Variants in COMMD1 observed in about 807,000 individuals in gnomAD.
COMMD1 encodes the protein copper metabolism domain containing 1.
In COMMD1, 10 loss-of-function variants were observed where a neutral mutation model predicts 17.2. The observed-to-expected ratio is 0.58, with a 90% confidence interval of 0.36 to 0.99. The LOEUF is 0.99. Ranked by LOEUF, COMMD1 falls within the 50% of genes least tolerant of loss-of-function variation. The probability of loss-of-function intolerance (pLI) is 0.01; values close to 1 mark genes in which losing one functional copy is unlikely to be tolerated. For synonymous variants in COMMD1, 97 were observed against 91.6 expected, an observed-to-expected ratio of 1.06 and a Z score of -0.34; for missense variants, 270 against 231.8, an observed-to-expected ratio of 1.17 and a Z score of -1.07.
At chr2:61,943,632 C>T (rs929981770) in intron 1 of COMMD1, among the ~76,000 whole-genome samples, 12 of 152,152 alleles carry the variant, frequency 7.9e-5, no homozygotes, top group East Asian at 5.8e-4. Flanking sequence ...GTCAGGAGTT[C>T]GAGACCAACC....
At chr2:61,979,898 C>G (rs1393135133) in intron 1 of COMMD1, among the ~76,000 whole-genome samples, 22 of 117,446 alleles carry the variant, frequency 1.9e-4, no homozygotes, top group Admixed American at 1.8e-3. Flanking sequence ...TCCCTCCCCC[C>G]TCCCCCGACC....
intron 1 of COMMD1, among the ~76,000 whole-genome samples, chr2:61,983,441 C>T (rs1237035324): frequency 8.5e-5 from 13 of 152,262 alleles, no homozygotes; most frequent in African/African-American, 4.8e-5. Context: ...CCGACCGCCT[C>T]GGCCTCCCAA....
At chr2:61,973,334 A>C (rs1671702560) in intron 1 of COMMD1, among the ~76,000 whole-genome samples, 1 of 152,212 alleles carries the variant, frequency 6.6e-6, no homozygotes, top group African/African-American at 2.4e-5. Flanking sequence ...TAATGCCAAA[A>C]TTTCATAGAT....
intron 2 of COMMD1, among the ~76,000 whole-genome samples, chr2:62,042,295 T>C (rs879438835): frequency 2.0e-5 from 3 of 152,198 alleles, no homozygotes; most frequent in African/African-American, 4.8e-5. Flanking sequence ...AGAGTGCTGA[T>C]TGGTGCGTTT....
intron 2 of COMMD1, among the ~76,000 whole-genome samples, chr2:62,094,900 T>C (rs10165818): frequency 6.6e-6 from 1 of 152,252 alleles, no homozygotes; most frequent in African/African-American, 2.4e-5. Context: ...AGTTTTCAAA[T>C]GGCAATTTTA....
chr2:61,908,655 G>T (rs1228591320), intron 1 of COMMD1, among the ~76,000 whole-genome samples: 2 of 152,082 alleles, frequency 1.3e-5, no homozygotes, highest in Non-Finnish European at 2.9e-5. Flanking sequence ...CTGCCTCCCG[G>T]ATTCAAACAA....
chr2:61,987,288 A>G (rs1036794479), intron 1 of COMMD1, among the ~76,000 whole-genome samples: 1 of 152,128 alleles, frequency 6.6e-6, no homozygotes, highest in African/African-American at 2.4e-5. Flanking sequence ...GATGCTTATT[A>G]TAGTCTTCAC....
chr2:61,961,158 C>G (rs1158199757), intron 1 of COMMD1, among the ~76,000 whole-genome samples: 2 of 152,218 alleles, frequency 1.3e-5, no homozygotes, highest in African/African-American at 4.8e-5. Context: ...CAAATGATCT[C>G]TCAGCAAGGT....
chr2:61,920,965 G>GTA (rs11405052), intron 1 of COMMD1, among the ~76,000 whole-genome samples: 28,722 of 127,376 alleles, frequency 0.23, 3,539 homozygotes, highest in Admixed American at 0.35. Context: ...ATATATGTGT[G>GTA]TATATATATA....
intron 1 of COMMD1, among the ~76,000 whole-genome samples, chr2:61,943,868 C>T (rs1159332227): frequency 6.6e-6 from 1 of 151,976 alleles, no homozygotes; most frequent in Non-Finnish European, 1.5e-5. Context: ...CAAAAAATGA[C>T]CAGCTCCTGT....
intron 2 of COMMD1, among the ~76,000 whole-genome samples, chr2:62,008,247 T>G (rs1669177645): frequency 6.6e-6 from 1 of 152,158 alleles, no homozygotes; most frequent in Non-Finnish European, 1.5e-5. Flanking sequence ...CCACTGTAGC[T>G]TCACAAGCCT....
chr2:61,984,684 G>A (rs1052094004), intron 1 of COMMD1, among the ~76,000 whole-genome samples: 2 of 152,204 alleles, frequency 1.3e-5, no homozygotes, highest in Non-Finnish European at 2.9e-5. Context: ...TTGGTCTATA[G>A]TGCAGATGAA....
intron 1 of COMMD1, among the ~76,000 whole-genome samples, chr2:61,944,681 G>A (rs1237150446): frequency 6.6e-6 from 1 of 152,138 alleles, no homozygotes; most frequent in African/African-American, 2.4e-5. Flanking sequence ...TCAGAGTCAG[G>A]TAGTGCAATA....
intron 1 of COMMD1, among the ~76,000 whole-genome samples, chr2:61,969,619 T>C (rs1227571309): frequency 6.6e-6 from 1 of 152,216 alleles, no homozygotes; most frequent in Non-Finnish European, 1.5e-5. Flanking sequence ...TTGGTAGCTT[T>C]ATGTGCTTGT....
At chr2:61,934,314 AAATG>A (rs1670546844) in intron 1 of COMMD1, among the ~76,000 whole-genome samples, 1 of 152,324 alleles carries the variant, frequency 6.6e-6, no homozygotes, top group African/African-American at 2.4e-5. Flanking sequence ...TGTCCACAGT[AAATG>A]AATTTTGCCT....
At chr2:62,076,250 T>G (rs924165704) in intron 2 of COMMD1, among the ~76,000 whole-genome samples, 1 of 152,230 alleles carries the variant, frequency 6.6e-6, no homozygotes, top group African/African-American at 2.4e-5. Flanking sequence ...AGAGCTGTGA[T>G]GTACATAATG....
intron 2 of COMMD1, among the ~76,000 whole-genome samples, chr2:62,006,646 C>A (rs574374896): frequency 9.2e-5 from 14 of 152,248 alleles, no homozygotes; most frequent in African/African-American, 3.4e-4. Context: ...AAAAGATGAA[C>A]ATCAAGTGCT....
intron 2 of COMMD1, among the ~76,000 whole-genome samples, chr2:62,062,140 C>A (rs1337350564): frequency 6.6e-6 from 1 of 152,048 alleles, no homozygotes; most frequent in East Asian, 1.9e-4. Context: ...TTAACTCTTT[C>A]TAACCTTGAT....
intron 2 of COMMD1, among the ~76,000 whole-genome samples, chr2:62,015,865 C>T (rs1279021200): frequency 6.6e-6 from 1 of 152,020 alleles, no homozygotes; most frequent in Admixed American, 6.6e-5. Context: ...AAGAGTCTTG[C>T]TCCATCTCCC....
Sources: gnomAD v4.1 joint callset for allele counts (sites outside exome capture counted in the v4.1 genomes callset) on GRCh38, gnomAD v4.1.1 for gene constraint, MANE v1.5 for transcripts, NCBI Gene and HGNC (gene_info 2026-07-23, HGNC 2026-07-21) for gene names.